VTI1A: variants seen among roughly 807,000 people sequenced by gnomAD.
VTI1A encodes vesicle transport through interaction with t-SNAREs 1A, also known as vesicle transport through interaction with t-SNAREs homolog 1A.
VTI1A carries 22 observed loss-of-function variants against 34.9 expected under a neutral mutation model. The observed-to-expected ratio is 0.63, with a 90% CI of 0.45 to 0.90. The LOEUF (loss-of-function observed/expected upper bound fraction) is 0.90. Ranked by LOEUF, VTI1A falls within the 40% of genes least tolerant of loss-of-function variation. VTI1A has a pLI of 0.00. For missense variants in VTI1A, 268 were observed against 275.6 expected (o/e 0.97, Z 0.20); for synonymous variants, 87 against 97.3 (o/e 0.89, Z 0.62).
At chr10:112,773,393 A>G (rs1851869474) in intron 7 of VTI1A, among the ~76,000 whole-genome samples, 1 of 152,186 alleles carries the variant, frequency 6.6e-6, no homozygotes, top group South Asian at 2.1e-4. Context: ...TACACTGAAC[A>G]CTAACTGAAC....
At chr10:112,742,901 A>G (rs1242236849) in intron 7 of VTI1A, among the ~76,000 whole-genome samples, 1 of 152,196 alleles carries the variant, frequency 6.6e-6, no homozygotes, top group African/African-American at 2.4e-5. Flanking sequence ...AAGGAAAATA[A>G]CTATTTATTT....
intron 5 of VTI1A, among the ~76,000 whole-genome samples, chr10:112,653,472 A>G (rs575173029): frequency 6.6e-6 from 1 of 152,316 alleles, no homozygotes; most frequent in South Asian, 2.1e-4. Flanking sequence ...ACAGTGCACA[A>G]CAGTGGCCAT....
intron 7 of VTI1A, among the ~76,000 whole-genome samples, chr10:112,727,138 A>G (rs1019398625): frequency 1.3e-5 from 2 of 152,224 alleles, no homozygotes; most frequent in African/African-American, 2.4e-5. Flanking sequence ...CAGTCATGCA[A>G]AAAGGCCCCC....
At chr10:112,822,921 G>A (rs1853680571), downstream of VTI1A, among the ~76,000 whole-genome samples, 1 of 152,142 alleles carries the variant, frequency 6.6e-6, no homozygotes, top group Non-Finnish European at 1.5e-5. Context: ...AAAGAAAGAA[G>A]GTAGTCTCAC....
chr10:112,855,112 TGGGATGGGAAGCTCGACCC>T, the VTI1A span, among the ~76,000 whole-genome samples: 12 of 152,092 alleles, frequency 7.9e-5, 1 homozygote, highest in South Asian at 2.1e-3. Flanking sequence ...AAGCTCGACC[TGGGATGGGAAGCTCGACCC>T]GGGATGGGAA....
intron 5 of VTI1A, among the ~76,000 whole-genome samples, chr10:112,632,042 G>C (rs566319205): frequency 6.6e-6 from 1 of 152,178 alleles, no homozygotes; most frequent in East Asian, 1.9e-4. Flanking sequence ...TATACAACTT[G>C]GCCAGCCATG....
intron 1 of VTI1A, among the ~76,000 whole-genome samples, chr10:112,452,799 A>G (rs1259814391): frequency 6.6e-6 from 1 of 151,922 alleles, no homozygotes; most frequent in Non-Finnish European, 1.5e-5. Flanking sequence ...GAAAAATCAC[A>G]AAGATAGTAC....
At chr10:112,751,037 T>G (rs2133991873) in intron 7 of VTI1A, among the ~76,000 whole-genome samples, 1 of 152,310 alleles carries the variant, frequency 6.6e-6, no homozygotes, top group Middle Eastern at 3.4e-3. Flanking sequence ...AATGTGTGTT[T>G]TGTTCTCTTC....
chr10:112,748,792 A>AT (rs532679915), intron 7 of VTI1A, among the ~76,000 whole-genome samples: 223 of 145,732 alleles, frequency 1.5e-3, no homozygotes, highest in Middle Eastern at 0.015. Context: ...TGCCCGGCTA[A>AT]TTTTTTTTTT....
At chr10:112,639,366 A>T (rs1026770156) in intron 5 of VTI1A, among the ~76,000 whole-genome samples, 2 of 152,200 alleles carry the variant, frequency 1.3e-5, no homozygotes, top group African/African-American at 4.8e-5. Context: ...CTTTTGATGA[A>T]TCACATAGAC....
chr10:112,799,021 G>A (rs368296476), intron 7 of VTI1A, among the ~76,000 whole-genome samples: 2 of 152,158 alleles, frequency 1.3e-5, no homozygotes, highest in African/African-American at 4.8e-5. Context: ...CATGAGGCGC[G>A]CACAGGCTGG....
chr10:112,459,628 A>G (rs1352529605), intron 1 of VTI1A, among the ~76,000 whole-genome samples: 1 of 152,188 alleles, frequency 6.6e-6, no homozygotes, highest in Non-Finnish European at 1.5e-5. Flanking sequence ...GCCTGAGAAG[A>G]GAAGCATGCT....
intron 1 of VTI1A, among the ~76,000 whole-genome samples, chr10:112,453,670 T>C (rs1426031869): frequency 6.6e-6 from 1 of 152,078 alleles, no homozygotes; most frequent in African/African-American, 2.4e-5. Context: ...GGCTTTTTTC[T>C]TTTCTTTTTT....
chr10:112,452,318 T>C (rs1326270108), intron 1 of VTI1A, among the ~76,000 whole-genome samples: 2 of 152,070 alleles, frequency 1.3e-5, no homozygotes, highest in Admixed American at 6.5e-5. Flanking sequence ...CACTGTAATC[T>C]CAGCACTTTG....
chr10:112,522,926 C>A (rs555946839), intron 3 of VTI1A, among the ~76,000 whole-genome samples: 3 of 152,142 alleles, frequency 2.0e-5, no homozygotes, highest in South Asian at 4.1e-4. Context: ...TTGCCATGTG[C>A]ACGCCATGGA....
At position 112,527,142 on chromosome 10, in the gene VTI1A, A is replaced by T. The variant is rs1398802750; in HGVS notation, c.320A>T (p.Asp107Val). 6.2e-7 allele frequency: 1 copy of T among 1,613,442 alleles called. No individual in the cohort carries two copies. The highest frequency in any genetic ancestry group is 2.2e-5 in the East Asian group (1 of 44,864). ...GTACGGAATGAGCTCCTGGGGGATG[A>T]TGGGAATTCCTCAGAGAACCAGGTA... is the stretch of plus-strand genomic sequence containing the variant. ...DEVRNELLGD[D>V]GNSSENQRAH... The change falls in exon 4 of 8, where the codon GAT (aspartate) becomes GTT (valine). Residue 107 changes from aspartate to valine, a missense_variant. Physicochemically the swap from Asp to Val is radical, Grantham distance 152 (BLOSUM62 -3). Transcript: ENST00000393077.
At chr10:112,713,788 TG>T (rs1479474328) in intron 7 of VTI1A, among the ~76,000 whole-genome samples, 1 of 152,206 alleles carries the variant, frequency 6.6e-6, no homozygotes, top group African/African-American at 2.4e-5. Flanking sequence ...TAAGGAAAAT[TG>T]CAAGAAGCAT....
chr10:112,671,111 A>G (rs1481024283), intron 7 of VTI1A, among the ~76,000 whole-genome samples: 1 of 152,206 alleles, frequency 6.6e-6, no homozygotes, highest in Non-Finnish European at 1.5e-5. Flanking sequence ...TGGTTATCTC[A>G]TGGAAAAGCT....
chr10:112,526,396 G>A lies in VTI1A; in HGVS notation c.265-691G>A, dbSNP rs1009594570. On this transcript the variant is annotated intron_variant, in intron 3 of 7. Coordinates refer to ENST00000393077, the MANE Select transcript of VTI1A (RefSeq NM_145206.4). ...ACTTGCCTTTATTTACTGTGACTGAGAAATTTAGTTTCTTTTACCAGACAC... is the reference window on the plus strand; with the variant it reads ...ACTTGCCTTTATTTACTGTGACTGAAAAATTTAGTTTCTTTTACCAGACAC... Among the ~76,000 whole-genome samples, 3 of 152,240 alleles carry A rather than the reference G, an allele frequency of 2.0e-5. No homozygotes were observed. The South Asian group carries it at 6.2e-4, about 32-fold the overall frequency.
Sources: gnomAD v4.1 joint callset for allele counts (sites outside exome capture counted in the v4.1 genomes callset) on GRCh38, gnomAD v4.1.1 for gene constraint, MANE v1.5 for transcripts, NCBI Gene and HGNC (gene_info 2026-07-23, HGNC 2026-07-21) for gene names.